The following TTN variants were observed in gnomAD, a reference collection of about 807,000 sequenced individuals.
The protein encoded by TTN is connectin.
A neutral mutation model predicts 3,223.0 loss-of-function variants in TTN; 1,525 were observed. The ratio of observed to expected loss-of-function variants is 0.47; its 90% CI spans 0.45 to 0.49. The LOEUF (loss-of-function observed/expected upper bound fraction) is 0.49, where lower values mean the gene tolerates loss of function less well. Among genes scored for constraint, TTN ranks in the 20% least tolerant of loss-of-function variants. The pLI, the probability that TTN is intolerant of heterozygous loss-of-function variation, is 0.00. For synonymous variants in TTN, 14,094 were observed against 15,161.0 expected (o/e 0.93, Z 5.17); for missense variants, 40,786 against 43,424.0 (o/e 0.94, Z 5.40).
At chr2:178,683,726 A>G (rs906953818) in intron 133 of TTN, among the ~76,000 whole-genome samples, 1 of 152,092 alleles carries the variant, frequency 6.6e-6, no homozygotes, top group East Asian at 1.9e-4. Flanking sequence ...GCATCTAGGC[A>G]GATGAGTTTA....
At position 178,605,699 on chromosome 2, in the gene TTN, G is replaced by T. The variant is rs897867061; in HGVS notation, c.53596C>A (p.Pro17866Thr). The T allele has an allele frequency of 5.2e-6, 8 of 1,542,216 alleles. No individual in the cohort carries two copies. The highest frequency in any genetic ancestry group is 7.0e-6 in the Non-Finnish European group (8 of 1,141,380). Residue 17866 changes from proline to threonine, a missense_variant, in exon 279 of 363, where the codon CCA becomes ACA. Transcript: ENST00000589042. ...CTTTCAGTGTATGTGAGCCTCTCTG[G>T]AGATGTTGGAGGACCTTTAGCCAGA... ...AVDPLGPPTS[P>T]ERLTYTERTK...
At chr2:178,693,481 G>A (rs2072959968) in intron 119 of TTN, 128 bp downstream of exon 119, 1 of 612,424 alleles carries the variant, frequency 1.6e-6, no homozygotes. Flanking sequence ...CACATCCTTT[G>A]TACATAGTGG....
rs575829011 is a variant in TTN, at chr2:178,730,346, T to G, written c.18054A>C (p.Pro6018=). 177 of 1,606,308 alleles carry G rather than the reference T, an allele frequency of 1.1e-4. No homozygotes were observed. The South Asian group carries it at 1.9e-3, about 17-fold the overall frequency. ...TGTTGGGATTGACATCTTGTGACTG[T>G]GGCTTTTCCACAAAGTAAGGGGGTT... ...VKEPPYFVEK[P]QSQDVNPNTR... The change falls in exon 62 of 363, where the codon CCA becomes CCC. Residue 6018 remains proline, a synonymous_variant. Transcript: ENST00000589042.
intron 78 of TTN, 69 bp downstream of exon 78, chr2:178,721,778 G>C: frequency 7.0e-7 from 1 of 1,424,572 alleles, no homozygotes; most frequent in East Asian, 2.4e-5. Context: ...AAAAACCAAA[G>C]AAACTTTTAT....
Position 178,691,327 on chromosome 2 carries a change from A to T in TTN, c.31762+689T>A, listed in dbSNP as rs376983492. Among the ~76,000 whole-genome samples the T allele has an allele frequency of 2.4e-4, 37 of 152,320 alleles. No individual in the cohort carries two copies. The South Asian group carries it at 6.0e-3, about 25-fold the overall frequency. Reference sequence around the variant, plus strand: ...AAGATAGTGCCTTTTATCGCCAAAAAAATCCCAAACAAACCAAAGCAAGGG... The same window carrying T: ...AAGATAGTGCCTTTTATCGCCAAAATAATCCCAAACAAACCAAAGCAAGGG... On this transcript the variant is annotated intron_variant, in intron 121 of 362. Transcript: ENST00000589042.
chr2:178,774,230 G>A lies in TTN; in HGVS notation c.7034C>T (p.Thr2345Ile), dbSNP rs1273542789. 1 of 1,614,072 alleles carries A rather than the reference G, an allele frequency of 6.2e-7. No individual in the cohort carries two copies. Among genetic ancestry groups the A allele is most frequent in the Non-Finnish European group, 8.5e-7 (1 of 1,179,974 alleles). The change falls in exon 30 of 363, where the codon ACA becomes ATA. Residue 2345 changes from threonine to isoleucine, a missense_variant. By Grantham distance (89) the Thr-to-Ile change is moderately conservative. Transcript: ENST00000589042. The part of the protein sequence containing the change: ...EYSFVIDGKK[T>I]TCKLKMKPRP... ...ACGTTTCATCTTTAATTTACAGGTT[G>A]TCTTTTTCCCGTCGATGACAAAGCT...
intron 47 of TTN, chr2:178,746,027 C>A (rs1560963945): frequency 6.2e-6 from 10 of 1,613,450 alleles, no homozygotes; most frequent in Non-Finnish European, 8.5e-6. Context: ...CTCTCCTACA[C>A]AATTCACAGC....
chr2:178,689,376 TAAAGG>T lies in TTN; in HGVS notation c.31928-8_31928-4del. ...TTTCTTCTTTGGTATTTCTGGCACTTAAAGGATAGTATTGAATTTTAAAATTTGTC... is the reference window on the plus strand; with the variant it reads ...TTTCTTCTTTGGTATTTCTGGCACTTATAGTATTGAATTTTAAAATTTGTC... On this transcript the variant is annotated splice_polypyrimidine_tract_variant and splice_region_variant and intron_variant, in intron 123 of 362. Transcript: ENST00000589042. 1 of 1,613,692 alleles carries T rather than the reference TAAAGG, an allele frequency of 6.2e-7. No individual in the cohort carries two copies. Among genetic ancestry groups the T allele is most frequent in the Non-Finnish European group, 8.5e-7 (1 of 1,179,764 alleles).
At chr2:178,797,127 G>T (rs1019572384) in intron 6 of TTN, among the ~76,000 whole-genome samples, 4 of 152,120 alleles carry the variant, frequency 2.6e-5, no homozygotes, top group Non-Finnish European at 5.9e-5. Context: ...GATTCTAAAT[G>T]ACCCTTAGGC....
At chr2:178,675,499 A>G (rs1173505203) in intron 149 of TTN, among the ~76,000 whole-genome samples, 172 bp downstream of exon 149, 1 of 151,902 alleles carries the variant, frequency 6.6e-6, no homozygotes, top group Non-Finnish European at 1.5e-5. Flanking sequence ...AAAGCACACC[A>G]ACACCAAGTG....
Position 178,544,068 on chromosome 2 carries a change from T to G in TTN, c.96076A>C (p.Ile32026Leu). The change falls in exon 346 of 363, where the codon ATC (isoleucine) becomes CTC (leucine). Residue 32026 changes from isoleucine (I) to leucine (L), a missense_variant. By Grantham distance (5) the Ile-to-Leu change is conservative (BLOSUM62 2). Transcript: ENST00000589042. ...LADDLKKTVTIRAGASLRLMV... is the reference protein window; with the variant it reads ...LADDLKKTVTLRAGASLRLMV... ...AAGCGCAAGGAGGCCCCAGCCCTGATGGTCACAGTCTTCTTTAGATCATCT... is the reference window on the plus strand; with the variant it reads ...AAGCGCAAGGAGGCCCCAGCCCTGAGGGTCACAGTCTTCTTTAGATCATCT... 1 of 1,613,530 alleles carries G rather than the reference T, an allele frequency of 6.2e-7. No homozygotes were observed. Among genetic ancestry groups the G allele is most frequent in the South Asian group, 1.1e-5 (1 of 91,056 alleles).
rs768858900 is a variant in TTN, at chr2:178,733,502, A to G, written c.15791T>C (p.Ile5264Thr). Residue 5264 changes from isoleucine (I) to threonine (T), a missense_variant, in exon 54 of 363, where the codon ATT becomes ACT. Physicochemically the swap from Ile to Thr is moderately conservative, Grantham distance 89. Coordinates refer to ENST00000589042, the MANE Select transcript of TTN (RefSeq NM_001267550.2). ...ELIVKEPAKI[I>T]ERAELIQVTA... Reference sequence around the variant, plus strand: ...CACCTGGATCAGTTCTGCTCGCTCAATGATTTTGGCAGGTTCTACAATGGT... The same window carrying G: ...CACCTGGATCAGTTCTGCTCGCTCAGTGATTTTGGCAGGTTCTACAATGGT... The G allele has an allele frequency of 5.6e-6, 9 of 1,610,492 alleles. No individual in the cohort carries two copies. The highest frequency in any genetic ancestry group is 5.5e-5 in the South Asian group (5 of 90,870).
chr2:178,793,573 T>C, intron 8 of TTN, 32 bp from the exon 9 acceptor site: 4 of 1,611,262 alleles, frequency 2.5e-6, no homozygotes, highest in Non-Finnish European at 3.4e-6. Flanking sequence ...AGAAAACACC[T>C]TAATGCATCT....
chr2:178,728,611 C>T lies in TTN; in HGVS notation c.19315G>A (p.Val6439Met), dbSNP rs727505289. ...ACTGACTGAATTCTAAAACTGGCCACGTTATTTTCAAAACTCATTGAAAAG... is the reference window on the plus strand; with the variant it reads ...ACTGACTGAATTCTAAAACTGGCCATGTTATTTTCAAAACTCATTGAAAAG... ...RYFSMSFENN[V>M]ASFRIQSVMK... is the part of the protein sequence containing the mutation. The change falls in exon 66 of 363, where the codon GTG becomes ATG. Residue 6439 changes from valine (V) to methionine (M), a missense_variant. Val to Met is a conservative substitution (Grantham distance 21). Transcript: ENST00000589042. 23 of 1,613,074 alleles carry T rather than the reference C, an allele frequency of 1.4e-5. No homozygotes were observed. The East Asian group carries it at 2.5e-4, about 17-fold the overall frequency.
At position 178,769,649 on chromosome 2, in the gene TTN, G is replaced by GTA. The variant is rs769907387; in HGVS notation, c.8902+28_8902+29dup. ...AATATTTGATATTTTATATATATGT[G>GTA]TATATATATATATATATTTTTTAAC... On this transcript the variant is annotated intron_variant, in intron 37 of 362. Transcript: ENST00000589042. 5.5e-6 allele frequency: 7 copies of GTA among 1,264,870 alleles called. No individual in the cohort carries two copies. The African/African-American group carries it at 7.9e-5, about 14-fold the overall frequency. 78.4% of individuals were successfully genotyped at this position (1,264,870 alleles called of 1,614,324 possible).
chr2:178,640,510 G>T (rs537579474), intron 221 of TTN, 31 bp downstream of exon 221: 81 of 1,574,654 alleles, frequency 5.1e-5, no homozygotes, highest in Non-Finnish European at 6.8e-5. Context: ...TGCATTTTTA[G>T]AGACAACTAA....
chr2:178,773,528 A>G lies in TTN; in HGVS notation c.7528T>C (p.Ser2510Pro). 1 of 1,614,070 alleles carries G rather than the reference A, an allele frequency of 6.2e-7. No individual in the cohort carries two copies. The highest frequency in any genetic ancestry group is 8.5e-7 in the Non-Finnish European group (1 of 1,179,982). ...QRLVINRTHA[S>P]DEGPYKLIVG... ...ATCAGCTTGTAAGGTCCTTCGTCTGAAGCATGAGTTCGGTTAATGACTAGT... is the reference window on the plus strand; with the variant it reads ...ATCAGCTTGTAAGGTCCTTCGTCTGGAGCATGAGTTCGGTTAATGACTAGT... The change falls in exon 32 of 363, where the codon TCA (serine) becomes CCA (proline). Residue 2510 changes from serine to proline, a missense_variant. Physicochemically the swap from Ser to Pro is moderately conservative, Grantham distance 74 (BLOSUM62 -1). Transcript: ENST00000589042.
rs371352901 is a variant in TTN, at chr2:178,722,560, T to C, written c.22241-14A>G. 7.5e-6 allele frequency: 12 copies of C among 1,605,692 alleles called. No homozygotes were observed. Among genetic ancestry groups the C allele is most frequent in the Non-Finnish European group, 1.0e-5 (12 of 1,175,474 alleles). On this transcript the variant is annotated splice_polypyrimidine_tract_variant and intron_variant, in intron 76 of 362. Transcript: ENST00000589042. The stretch of plus-strand genomic sequence containing the variant: ...GGAGTTGGCGCTCTGTAGGGAGACA[T>C]GTAATACTTAAGGTGTTAGGAGATG...
rs761360903 is a variant in TTN, at chr2:178,591,692, CTTG to C, written c.60124_60126del (p.Gln20042del). The C allele has an allele frequency of 9.9e-6, 16 of 1,613,288 alleles. No homozygotes were observed. The Middle Eastern group carries it at 9.9e-4, about 100-fold the overall frequency. On this transcript the variant is annotated inframe_deletion, in exon 303 of 363. Transcript: ENST00000589042. ...TTTACACGGAATCTATAGGTCTTTC[CTTG>C]TTGTAGTCCAGTAACCACACACTCT...
Sources: allele counts gnomAD v4.1 joint callset (sites outside exome capture counted in the v4.1 genomes callset), GRCh38; gene constraint gnomAD v4.1.1; transcripts MANE v1.5; gene names NCBI Gene and HGNC (gene_info 2026-07-23, HGNC 2026-07-21).